OR2L13: variants seen among roughly 807,000 people sequenced by gnomAD.
The protein encoded by OR2L13 is olfactory receptor family 2 subfamily L member 13.
OR2L13 carries 14 observed loss-of-function variants against 15.3 expected under a neutral mutation model. The ratio of observed to expected loss-of-function variants is 0.91; its 90% CI spans 0.60 to 1.43. The LOEUF (loss-of-function observed/expected upper bound fraction) is 1.43, where lower values mean the gene tolerates loss of function less well. Ranked by LOEUF, OR2L13 falls within the 40% of genes most tolerant of loss-of-function variation. OR2L13 has a pLI of 0.00. For synonymous variants in OR2L13, 152 were observed against 142.9 expected (o/e 1.06, Z -0.45); for missense variants, 367 against 387.9 (o/e 0.95, Z 0.45).
the OR2L13 span, chr1:248,055,700 T>C: frequency 4.7e-4 from 72 of 152,374 alleles, no homozygotes; most frequent in African/African-American, 1.7e-3. Context: ...AAGGTCGCAG[T>C]GAGCTGAGAT....
chr1:248,047,637 G>C, the OR2L13 span, among the ~76,000 whole-genome samples: 1 of 151,916 alleles, frequency 6.6e-6, no homozygotes. Flanking sequence ...TTTTCTTTCG[G>C]GACACAAGGT....
At chr1:248,003,039 G>A in the OR2L13 span, 1 of 721,538 alleles carries the variant, frequency 1.4e-6, no homozygotes, top group Non-Finnish European at 2.4e-6. Context: ...CTTGTTATTG[G>A]TCTATTCAGG....
chr1:248,039,862 C>A, the OR2L13 span: 1 of 152,108 alleles, frequency 6.6e-6, no homozygotes, highest in African/African-American at 2.4e-5. Context: ...TAATGTTTTA[C>A]TAATAAGTTT....
At chr1:247,970,191 TA>T in the OR2L13 span, among the ~76,000 whole-genome samples, 1 of 152,166 alleles carries the variant, frequency 6.6e-6, no homozygotes, top group African/African-American at 2.4e-5. Context: ...GGATCTCCCC[TA>T]ATAATTTAAT....
chr1:248,083,916 C>A, the OR2L13 span: 2 of 1,611,410 alleles, frequency 1.2e-6, no homozygotes, highest in Non-Finnish European at 1.7e-6. Flanking sequence ...TTCTGTAGAG[C>A]GCATGTGCAG....
chr1:248,038,223 A>ATTTACCC, the OR2L13 span: 47 of 1,346,936 alleles, frequency 3.5e-5, no homozygotes, highest in East Asian at 1.1e-3. Context: ...ACTGTTCTTA[A>ATTTACCC]TTTACCCTTT....
the OR2L13 span, among the ~76,000 whole-genome samples, chr1:248,016,767 G>A: frequency 6.6e-6 from 1 of 151,868 alleles, no homozygotes; most frequent in Non-Finnish European, 1.5e-5. Flanking sequence ...AGATATGTAT[G>A]TGTGTATATA....
At chr1:247,988,441 A>C in the OR2L13 span, among the ~76,000 whole-genome samples, 3 of 152,132 alleles carry the variant, frequency 2.0e-5, no homozygotes, top group Non-Finnish European at 4.4e-5. Flanking sequence ...CATATCATAC[A>C]TATTTTCCTT....
the OR2L13 span, among the ~76,000 whole-genome samples, chr1:248,007,418 G>A: frequency 6.6e-6 from 1 of 152,156 alleles, no homozygotes. Context: ...CCCCTCTGAC[G>A]TGGTGTCTGC....
chr1:248,042,795 T>C, the OR2L13 span, among the ~76,000 whole-genome samples: 1 of 152,222 alleles, frequency 6.6e-6, no homozygotes, highest in East Asian at 1.9e-4. Context: ...AATCACTGCC[T>C]TGCTCCAGAT....
At chr1:248,085,469 C>CAA in the OR2L13 span, among the ~76,000 whole-genome samples, 1,527 of 67,858 alleles carry the variant, frequency 0.023, 44 homozygotes, top group Middle Eastern at 0.058. Flanking sequence ...AGAGAAGCAC[C>CAA]AAAAAAAAAA....
chr1:248,060,936 G>C, the OR2L13 span: 8 of 1,613,944 alleles, frequency 5.0e-6, no homozygotes, highest in South Asian at 8.8e-5. Flanking sequence ...CTGATTTTCT[G>C]TCTGGTAACA....
the OR2L13 span, among the ~76,000 whole-genome samples, chr1:248,017,895 C>T: frequency 6.6e-6 from 1 of 152,036 alleles, no homozygotes; most frequent in African/African-American, 2.4e-5. Flanking sequence ...CATTCCTAAC[C>T]AGCTAAGAAG....
At chr1:247,992,705 T>C in the OR2L13 span, among the ~76,000 whole-genome samples, 358 of 152,288 alleles carry the variant, frequency 2.4e-3, 2 homozygotes, top group African/African-American at 7.7e-3. Flanking sequence ...AACAGTATGC[T>C]CTTACTGTTT....
the OR2L13 span, among the ~76,000 whole-genome samples, chr1:247,959,714 C>T: frequency 1.3e-5 from 2 of 152,170 alleles, no homozygotes; most frequent in African/African-American, 4.8e-5. Flanking sequence ...CACTGATACC[C>T]TTTCTTCCAG....
At chr1:247,994,820 A>G in the OR2L13 span, among the ~76,000 whole-genome samples, 14 of 152,388 alleles carry the variant, frequency 9.2e-5, no homozygotes, top group African/African-American at 3.4e-4. Context: ...TTCAATATGT[A>G]TATGAATGTC....
chr1:247,990,638 C>G, the OR2L13 span: 2 of 1,536,010 alleles, frequency 1.3e-6, no homozygotes, highest in South Asian at 2.2e-5. Flanking sequence ...CGTTATGTGG[C>G]TATTTGCTTT....
the OR2L13 span, among the ~76,000 whole-genome samples, chr1:248,002,182 T>C: frequency 2.0e-5 from 3 of 152,194 alleles, no homozygotes; most frequent in African/African-American, 4.8e-5. Flanking sequence ...CTTAGAAACC[T>C]GCCAAGATTT....
At chr1:248,090,223 T>C (rs1664562029), upstream of OR2L13, among the ~76,000 whole-genome samples, 1 of 152,186 alleles carries the variant, frequency 6.6e-6, no homozygotes. Flanking sequence ...CTCTGTGGAC[T>C]TGGGGTGTGC....
Sources: gnomAD v4.1 joint callset for allele counts (sites outside exome capture counted in the v4.1 genomes callset) on GRCh38, gnomAD v4.1.1 for gene constraint, MANE v1.5 for transcripts, NCBI Gene and HGNC (gene_info 2026-07-23, HGNC 2026-07-21) for gene names.